PDE3A: variants seen among roughly 807,000 people sequenced by gnomAD.
PDE3A encodes the protein phosphodiesterase 3A.
Under a neutral mutation model 98.3 loss-of-function variants are expected in PDE3A, and 43 were observed. The ratio of observed to expected loss-of-function variants is 0.44; its 90% CI spans 0.34 to 0.56. The LOEUF is 0.56. Among genes scored for constraint, PDE3A ranks in the 20% least tolerant of loss-of-function variants. PDE3A has a pLI of 0.01. For synonymous variants in PDE3A, 663 were observed against 567.9 expected, an observed-to-expected ratio of 1.17 and a Z score of -2.38; for missense variants, 1,427 against 1,440.7, an observed-to-expected ratio of 0.99 and a Z score of 0.15.
chr12:20,669,284 T>C lies in PDE3A; in HGVS notation c.3185-10746T>C, dbSNP rs1480667107. Among the ~76,000 whole-genome samples, 40 of 152,228 alleles carry C rather than the reference T, an allele frequency of 2.6e-4. 1 individual carries two copies. Among genetic ancestry groups the C allele is most frequent in the Admixed American group, 2.6e-3 (40 of 15,274 alleles). On this transcript the variant is annotated intron_variant, in intron 15 of 15. Transcript: ENST00000359062. ...AGTTGGAAAACATGCTGCAGGATAT[T>C]ATCCAGGAGAACTTCCCCAATCTAG...
chr12:20,597,753 A>G (rs1943500549), intron 2 of PDE3A, among the ~76,000 whole-genome samples: 2 of 152,138 alleles, frequency 1.3e-5, no homozygotes, highest in Non-Finnish European at 2.9e-5. Flanking sequence ...AATGCCTTCC[A>G]CTAGACTGCA....
chr12:20,530,940 T>C (rs1231378320), intron 1 of PDE3A, among the ~76,000 whole-genome samples: 1 of 152,194 alleles, frequency 6.6e-6, no homozygotes, highest in Non-Finnish European at 1.5e-5. Context: ...AAGATATTTT[T>C]TGTTATCTGG....
chr12:20,578,231 CCGTGTCAGGAT>C (rs1412408811), intron 2 of PDE3A, among the ~76,000 whole-genome samples: 1 of 152,012 alleles, frequency 6.6e-6, no homozygotes, highest in African/African-American at 2.4e-5. Context: ...AATTCAAGGA[CCGTGTCAGGAT>C]AGACAAGGTG....
chr12:20,629,847 C>T (rs1944342720), intron 5 of PDE3A, 61 bp from the exon 6 acceptor site: 1 of 1,269,878 alleles, frequency 7.9e-7, no homozygotes, highest in Non-Finnish European at 1.2e-6. Context: ...TGAAGTTCAA[C>T]AGTTGCAATT....
rs71442269 is a variant in PDE3A at position 20,685,409 on chromosome 12, CA to C, written c.*5161del. Among the ~76,000 whole-genome samples, 333 of 73,768 alleles carry C rather than the reference CA, an allele frequency of 4.5e-3. 1 individual carries two copies. Among genetic ancestry groups the C allele is most frequent in the East Asian group, 0.023 (59 of 2,596 alleles). 48.4% of individuals were successfully genotyped at this position (73,768 alleles called of 152,430 possible). ...GGGCAACAGGAGTTAAATTTTGCCT[CA>C]AAAAAAAAAAAAAAAAAAAAAAGAA... On this transcript the variant is annotated 3_prime_UTR_variant, in exon 16 of 16. Coordinates refer to ENST00000359062, the MANE Select transcript of PDE3A (RefSeq NM_000921.5).
At chr12:20,400,320 G>C (rs1944098728) in intron 1 of PDE3A, among the ~76,000 whole-genome samples, 1 of 150,680 alleles carries the variant, frequency 6.6e-6, no homozygotes, top group Admixed American at 6.6e-5. Context: ...ACACTGATGA[G>C]GGTGGAGGTA....
At chr12:20,432,521 G>A (rs1342606387) in intron 1 of PDE3A, among the ~76,000 whole-genome samples, 1 of 152,094 alleles carries the variant, frequency 6.6e-6, no homozygotes, top group Admixed American at 6.6e-5. Flanking sequence ...ACAGATTGTG[G>A]TGATGGTTTC....
intron 1 of PDE3A, chr12:20,450,076 C>G (rs904867407): frequency 3.4e-5 from 19 of 565,662 alleles, no homozygotes; most frequent in Non-Finnish European, 6.2e-5. Context: ...CTTCATCAGC[C>G]TTCTGCTGGT....
intron 1 of PDE3A, among the ~76,000 whole-genome samples, chr12:20,549,372 A>G (rs1592046005): frequency 6.8e-6 from 1 of 147,460 alleles, no homozygotes; most frequent in Non-Finnish European, 1.5e-5. Context: ...TGCAGTCCCT[A>G]CCCCCATCAT....
chr12:20,462,567 T>C (rs1429145231), intron 1 of PDE3A, among the ~76,000 whole-genome samples: 1 of 152,164 alleles, frequency 6.6e-6, no homozygotes, highest in East Asian at 1.9e-4. Flanking sequence ...CTTTTAATAA[T>C]TGTATTTTTC....
intron 1 of PDE3A, among the ~76,000 whole-genome samples, chr12:20,483,282 G>T (rs1012916156): frequency 6.6e-5 from 10 of 152,080 alleles, no homozygotes; most frequent in Non-Finnish European, 1.2e-4. Context: ...CCAGCTACCG[G>T]GGAGGCTGAG....
At chr12:20,661,191 A>G (rs1053830532) in intron 15 of PDE3A, among the ~76,000 whole-genome samples, 2 of 152,130 alleles carry the variant, frequency 1.3e-5, no homozygotes, top group Non-Finnish European at 2.9e-5. Flanking sequence ...GATTTGTGGA[A>G]CTTTGAACTT....
chr12:20,500,967 C>T (rs1171473410), intron 1 of PDE3A, among the ~76,000 whole-genome samples: 2 of 152,076 alleles, frequency 1.3e-5, no homozygotes, highest in Non-Finnish European at 2.9e-5. Flanking sequence ...GGGGTGTCAT[C>T]ATGTTGCCCA....
intron 1 of PDE3A, among the ~76,000 whole-genome samples, chr12:20,433,748 T>C (rs1051975166): frequency 6.6e-6 from 1 of 152,210 alleles, no homozygotes; most frequent in African/African-American, 2.4e-5. Flanking sequence ...TGTAACTACA[T>C]AGACAAAATA....
intron 1 of PDE3A, among the ~76,000 whole-genome samples, chr12:20,516,085 A>C (rs914777272): frequency 1.3e-5 from 2 of 151,490 alleles, no homozygotes; most frequent in Non-Finnish European, 2.9e-5. Context: ...GCAGGAGGCC[A>C]TGCCAAGGAA....
chr12:20,533,723 G>A (rs530123918), intron 1 of PDE3A, among the ~76,000 whole-genome samples: 9 of 147,512 alleles, frequency 6.1e-5, no homozygotes, highest in East Asian at 2.0e-4. Flanking sequence ...CTCATGATCC[G>A]CCCCGCCCCC....
intron 1 of PDE3A, among the ~76,000 whole-genome samples, chr12:20,386,713 T>G (rs1943817479): frequency 6.6e-6 from 1 of 152,048 alleles, no homozygotes; most frequent in Non-Finnish European, 1.5e-5. Context: ...TTGCAAAAAT[T>G]TTCTCCCATT....
intron 1 of PDE3A, among the ~76,000 whole-genome samples, chr12:20,405,877 C>A (rs1446431621): frequency 2.0e-5 from 3 of 152,184 alleles, no homozygotes; most frequent in Non-Finnish European, 4.4e-5. Context: ...TTTGGACCAA[C>A]ATCTCCCTAT....
At chr12:20,648,604 C>G (rs898496727) in intron 12 of PDE3A, 84 bp from the exon 13 acceptor site, 11 of 864,036 alleles carry the variant, frequency 1.3e-5, no homozygotes, top group Non-Finnish European at 2.2e-5. Context: ...GAATAAAAAG[C>G]AATTTCAAAA....
Sources: allele counts gnomAD v4.1 joint callset (sites outside exome capture counted in the v4.1 genomes callset), GRCh38; gene constraint gnomAD v4.1.1; transcripts MANE v1.5; gene names NCBI Gene and HGNC (gene_info 2026-07-23, HGNC 2026-07-21).